The following ASTN2 variants were observed in gnomAD, a reference collection of about 807,000 sequenced individuals.
The protein encoded by ASTN2 is astrotactin-2.
In ASTN2, 54 loss-of-function variants were observed where a neutral mutation model predicts 139.8. The observed-to-expected ratio is 0.39, with a 90% CI of 0.31 to 0.48. The LOEUF is 0.48. Ranked by LOEUF, ASTN2 falls within the 20% of genes least tolerant of loss-of-function variation. The pLI is 0.95. For synonymous variants in ASTN2, 756 were observed against 719.5 expected, an observed-to-expected ratio of 1.05 and a Z score of -0.81; for missense variants, 1,565 against 1,725.1, an observed-to-expected ratio of 0.91 and a Z score of 1.64.
At chr9:117,113,250 A>C (rs2132792109) in intron 4 of ASTN2, among the ~76,000 whole-genome samples, 1 of 152,316 alleles carries the variant, frequency 6.6e-6, no homozygotes, top group South Asian at 2.1e-4. Context: ...GAGAAACAAA[A>C]CCATATATGT....
intron 19 of ASTN2, 133 bp from the exon 20 acceptor site, chr9:116,487,633 A>G: frequency 1.1e-6 from 1 of 896,218 alleles, no homozygotes; most frequent in Non-Finnish European, 1.6e-6. Flanking sequence ...AGCAAAAGAT[A>G]TGAAAATGAA....
chr9:116,493,724 A>G (rs1006512213), intron 19 of ASTN2, among the ~76,000 whole-genome samples: 2 of 152,080 alleles, frequency 1.3e-5, no homozygotes, highest in African/African-American at 4.8e-5. Context: ...AGCCGGCCAC[A>G]TGAGCAAATT....
chr9:117,041,376 T>C (rs528347980), intron 5 of ASTN2, among the ~76,000 whole-genome samples: 2 of 152,244 alleles, frequency 1.3e-5, no homozygotes, highest in African/African-American at 4.8e-5. Flanking sequence ...ACAGGGTACA[T>C]TATCTTCTCC....
intron 17 of ASTN2, among the ~76,000 whole-genome samples, chr9:116,629,738 T>G (rs552581286): frequency 1.1e-4 from 16 of 152,310 alleles, no homozygotes; most frequent in African/African-American, 3.4e-4. Context: ...CTCCTCTGAA[T>G]GATGAGAGCC....
chr9:117,345,263 T>G lies in ASTN2; in HGVS notation c.443-53750A>C, dbSNP rs147220249. ...ACCAGTATATATTGAGTACCTAGTA[T>G]GTGTCAGCCACAGTCTAGGTCCTAG... On this transcript the variant is annotated intron_variant, in intron 1 of 22. Coordinates refer to ENST00000313400, the MANE Select transcript of ASTN2 (RefSeq NM_001365068.1). Among the ~76,000 whole-genome samples the G allele has an allele frequency of 4.5e-3, 681 of 152,272 alleles. 6 individuals carry two copies. Among genetic ancestry groups the G allele is most frequent in the African/African-American group, 0.016 (654 of 41,556 alleles).
At chr9:116,514,036 C>T (rs1383991154) in intron 19 of ASTN2, among the ~76,000 whole-genome samples, 1 of 151,884 alleles carries the variant, frequency 6.6e-6, no homozygotes, top group Non-Finnish European at 1.5e-5. Context: ...TGTTCTGTTG[C>T]TGGTGAGGAG....
At chr9:116,434,984 C>T (rs1284384566) in intron 22 of ASTN2, among the ~76,000 whole-genome samples, 2 of 152,150 alleles carry the variant, frequency 1.3e-5, no homozygotes, top group Non-Finnish European at 2.9e-5. Context: ...CCAAGAGAAT[C>T]CTAATAGAGC....
chr9:116,533,020 T>A (rs1301651457), intron 19 of ASTN2, among the ~76,000 whole-genome samples: 4 of 152,350 alleles, frequency 2.6e-5, no homozygotes, highest in African/African-American at 9.6e-5. Flanking sequence ...TTTGTTTGTG[T>A]CCTCTTTTAT....
At chr9:116,668,303 C>T (rs1362904904) in intron 16 of ASTN2, among the ~76,000 whole-genome samples, 6 of 151,856 alleles carry the variant, frequency 4.0e-5, no homozygotes, top group Non-Finnish European at 7.4e-5. Flanking sequence ...GCGATTCTCC[C>T]GCCTCAGCCT....
chr9:117,327,024 G>T (rs868308433), intron 1 of ASTN2, among the ~76,000 whole-genome samples: 21 of 152,238 alleles, frequency 1.4e-4, no homozygotes, highest in Middle Eastern at 3.4e-3. Context: ...GTGGGGGACT[G>T]GTTTTGGGAT....
chr9:117,297,582 G>A (rs1258448372), intron 1 of ASTN2, among the ~76,000 whole-genome samples: 2 of 152,156 alleles, frequency 1.3e-5, no homozygotes, highest in African/African-American at 4.8e-5. Flanking sequence ...ATTTACAAAG[G>A]CTTGGGCTAG....
At chr9:116,788,469 T>TA (rs1361543253) in intron 13 of ASTN2, among the ~76,000 whole-genome samples, 1 of 152,102 alleles carries the variant, frequency 6.6e-6, no homozygotes. Context: ...TTAAAATATA[T>TA]ATTAAAAATA....
intron 3 of ASTN2, among the ~76,000 whole-genome samples, chr9:117,143,634 A>G (rs1317541818): frequency 6.6e-6 from 1 of 152,224 alleles, no homozygotes; most frequent in Non-Finnish European, 1.5e-5. Flanking sequence ...ACAAAATATC[A>G]TAGTCTGGTT....
chr9:116,423,818 C>T lies in ASTN2; in HGVS notation c.*2033G>A, dbSNP rs149934041. ...GATTGAAGTCCTGGGGAAAAAAATG[C>T]GCTCAATATGTAGGTTATCAGGAAG... On this transcript the variant is annotated 3_prime_UTR_variant, in exon 23 of 23. Coordinates refer to ENST00000313400, the MANE Select transcript of ASTN2 (RefSeq NM_001365068.1). Among the ~76,000 whole-genome samples, 19 of 152,202 alleles carry T rather than the reference C, an allele frequency of 1.2e-4. 1 individual carries two copies. The South Asian group carries it at 2.5e-3, about 20-fold the overall frequency.
chr9:117,134,291 TATATACACACACACACAC>T (rs1467846858), intron 4 of ASTN2, among the ~76,000 whole-genome samples: 8 of 53,636 alleles, frequency 1.5e-4, no homozygotes, highest in African/African-American at 4.0e-4. Flanking sequence ...TATATATATA[TATATACACACACACACAC>T]ACACACACAC....
rs1015862746 is a variant in ASTN2, at chr9:117,161,581, A to G, written c.1016-20103T>C. On this transcript the variant is annotated intron_variant, in intron 3 of 22. Transcript: ENST00000313400. ...GCTAATTTCTGTTTTTTAAATAGAG[A>G]CGGGGTTTTGCCATGTTGGCCAGGC... is the stretch of plus-strand genomic sequence containing the variant. Among the ~76,000 whole-genome samples, 3 of 152,006 alleles carry G rather than the reference A, an allele frequency of 2.0e-5. No individual in the cohort carries two copies. In the East Asian group the frequency reaches 5.8e-4, roughly 29 times the overall value.
In ASTN2 at chr9:117,008,099, T is replaced by G; in HGVS notation, c.1584A>C (p.Pro528=). ...TTDACEQLCD[P]ETGECSCHEG... ...CCGGCTCCCATGGCTCACCGGTTTC[T>G]GGGTCGCAGAGCTGCTCACAGGCAT... Residue 528 remains proline (P), a synonymous_variant, in exon 7 of 23, where the codon CCA becomes CCC. Transcript: ENST00000313400. 1 of 1,589,102 alleles carries G rather than the reference T, an allele frequency of 6.3e-7. No individual in the cohort carries two copies. Among genetic ancestry groups the G allele is most frequent in the Non-Finnish European group, 8.6e-7 (1 of 1,166,732 alleles).
At chr9:117,082,496 GA>G (rs1349517618) in intron 5 of ASTN2, among the ~76,000 whole-genome samples, 2 of 152,126 alleles carry the variant, frequency 1.3e-5, no homozygotes, top group African/African-American at 4.8e-5. Flanking sequence ...CTCTTCTGTA[GA>G]AAGTGTGATC....
At chr9:116,971,785 G>A (rs1426922973) in intron 10 of ASTN2, among the ~76,000 whole-genome samples, 1 of 152,198 alleles carries the variant, frequency 6.6e-6, no homozygotes, top group African/African-American at 2.4e-5. Flanking sequence ...TCACCAGGTA[G>A]CAAACTCACT....
Sources: gnomAD v4.1 joint callset for allele counts (sites outside exome capture counted in the v4.1 genomes callset) on GRCh38, gnomAD v4.1.1 for gene constraint, MANE v1.5 for transcripts, NCBI Gene and HGNC (gene_info 2026-07-23, HGNC 2026-07-21) for gene names.